The following UBR4 variants were observed in gnomAD, a reference collection of about 807,000 sequenced individuals.
UBR4 encodes the protein E3 ubiquitin-protein ligase UBR4.
UBR4 carries 124 observed loss-of-function variants against 575.6 expected under a neutral mutation model. The ratio of observed to expected loss-of-function variants is 0.22; its 90% CI spans 0.19 to 0.25. The LOEUF (loss-of-function observed/expected upper bound fraction) is 0.25, where lower values mean the gene tolerates loss of function less well. UBR4 is among the 10% of genes least tolerant of loss of function. The probability of loss-of-function intolerance (pLI) is 1.00; values close to 1 mark genes in which losing one functional copy is unlikely to be tolerated. For missense variants in UBR4, 4,818 were observed against 6,478.8 expected (o/e 0.74, Z 8.80); for synonymous variants, 2,455 against 2,473.7 (o/e 0.99, Z 0.22).
intron 2 of UBR4, among the ~76,000 whole-genome samples, chr1:19,200,641 G>T (rs933421600): frequency 2.0e-5 from 3 of 151,852 alleles, no homozygotes; most frequent in Non-Finnish European, 2.9e-5. Flanking sequence ...TAAATAAATG[G>T]ATAAAAATTT....
chr1:19,155,843 C>T (rs1471207947), intron 42 of UBR4, among the ~76,000 whole-genome samples, 175 bp from the exon 43 acceptor site: 1 of 152,184 alleles, frequency 6.6e-6, no homozygotes, highest in Non-Finnish European at 1.5e-5. Context: ...ACCTTTCACT[C>T]TCCTTCAAGG....
intron 25 of UBR4, 36 bp downstream of exon 25, chr1:19,172,828 G>C (rs766558655): frequency 1.5e-5 from 24 of 1,588,794 alleles, no homozygotes; most frequent in Non-Finnish European, 2.0e-5. Context: ...GGAGTGAAGA[G>C]TGCATGTGCA....
chr1:19,173,503 T>C lies in UBR4; in HGVS notation c.3101A>G (p.Asp1034Gly), dbSNP rs2089869796. 1 of 1,614,174 alleles carries C rather than the reference T, an allele frequency of 6.2e-7. No homozygotes were observed. The highest frequency in any genetic ancestry group is 8.5e-7 in the Non-Finnish European group (1 of 1,180,040). ...SMNSPEMSEC[D>G]ILHTLRWSSR... is the part of the protein sequence containing the mutation. ...AGACCATCGCAGAGTGTGCAAGATG[T>C]CACATTCGCTCATCTCAGGTGAGTT... The change falls in exon 23 of 106, where the codon GAC becomes GGC. Residue 1034 changes from aspartate to glycine, a missense_variant. Around this residue, in one of 29 missense-constraint regions of UBR4, gnomAD observed 1,172 missense variants for 1,259.7 expected, o/e 0.93. Coordinates refer to ENST00000375254, the MANE Select transcript of UBR4 (RefSeq NM_020765.3).
Position 19,088,543 on chromosome 1 carries a change from C to T in UBR4, c.14430+216G>A, listed in dbSNP as rs566492769. Among the ~76,000 whole-genome samples the T allele has an allele frequency of 6.6e-6, 1 of 152,350 alleles. No individual in the cohort carries two copies. The highest frequency in any genetic ancestry group is 2.1e-4 in the South Asian group (1 of 4,832). Reference sequence around the variant, plus strand: ...CTTAATGGCTATTATCACTGGTTTACTGTTTTGGTAAACTTCGTAAGTCAC... The same window carrying T: ...CTTAATGGCTATTATCACTGGTTTATTGTTTTGGTAAACTTCGTAAGTCAC... On this transcript the variant is annotated intron_variant, in intron 98 of 105. Coordinates refer to ENST00000375254, the MANE Select transcript of UBR4 (RefSeq NM_020765.3). The surrounding 1 kb of genome is among the most constrained non-coding windows in gnomAD (Gnocchi z 4.0).
In UBR4 at chr1:19,165,694, G is replaced by C. The variant is rs769398969; in HGVS notation, c.4173C>G (p.Ser1391Arg). The change falls in exon 30 of 106, where the codon AGC becomes AGG. Residue 1391 changes from serine to arginine, a missense_variant. Physicochemically the swap from Ser to Arg is moderately radical, Grantham distance 110. Transcript: ENST00000375254. ...ACTCCTCCATAGCTTTACGAGCCTGGCTACTTTCCAGCTGCTTTTCCAAGT... is the reference window on the plus strand; with the variant it reads ...ACTCCTCCATAGCTTTACGAGCCTGCCTACTTTCCAGCTGCTTTTCCAAGT... ...LQYLEKQLES[S>R]QARKAMEEFF... 3.7e-6 allele frequency: 6 copies of C among 1,614,026 alleles called. No homozygotes were observed. The African/African-American group carries it at 8.0e-5, about 22-fold the overall frequency.
intron 10 of UBR4, 40 bp from the exon 11 acceptor site, chr1:19,192,418 G>A (rs2092154815): frequency 6.2e-7 from 1 of 1,614,094 alleles, no homozygotes. Flanking sequence ...TAATCATAGA[G>A]ATATTTACAT....
At chr1:19,138,850 TA>T (rs2149912949) in intron 59 of UBR4, among the ~76,000 whole-genome samples, 1 of 152,310 alleles carries the variant, frequency 6.6e-6, no homozygotes, top group East Asian at 1.9e-4. Context: ...AGATAATTAG[TA>T]AATATCTGTA....
At chr1:19,119,079 A>G (rs753998816) in intron 70 of UBR4, 122 bp from the exon 71 acceptor site, 50 of 813,028 alleles carry the variant, frequency 6.1e-5, no homozygotes, top group Admixed American at 9.8e-5. Context: ...CTCAGTCAGA[A>G]TCATACAAAG....
In UBR4 at chr1:19,153,587, G is replaced by T; in HGVS notation, c.6631-85C>A. 1 of 1,548,564 alleles carries T rather than the reference G, an allele frequency of 6.5e-7. No homozygotes were observed. The highest frequency in any genetic ancestry group is 1.1e-5 in the South Asian group (1 of 87,348). On this transcript the variant is annotated intron_variant, in intron 45 of 105. Transcript: ENST00000375254. This position sits in a 1 kb window ranked among gnomAD's most constrained non-coding sequence, Gnocchi z 4.1. ...AGAAAAAGAGGCAGAGATGCAACTGGTTTCATGGTCAGTTGAGGGGCTGTA... is the reference window on the plus strand; with the variant it reads ...AGAAAAAGAGGCAGAGATGCAACTGTTTTCATGGTCAGTTGAGGGGCTGTA...
At chr1:19,151,016 G>C (rs2085612817) in intron 48 of UBR4, 3 of 581,670 alleles carry the variant, frequency 5.2e-6, no homozygotes, top group African/African-American at 1.9e-5. Flanking sequence ...CTCCTACTCA[G>C]AAGAGTCCCT....
intron 103 of UBR4, chr1:19,080,819 C>T (rs542461097): frequency 6.5e-6 from 1 of 153,340 alleles, no homozygotes; most frequent in African/African-American, 2.4e-5. Flanking sequence ...AAATCAAAGA[C>T]CACTTCCTTT....
Position 19,193,553 on chromosome 1 carries a change from C to T in UBR4, c.1023G>A (p.Val341=). 1 of 1,612,848 alleles carries T rather than the reference C, an allele frequency of 6.2e-7. No individual in the cohort carries two copies. The highest frequency in any genetic ancestry group is 8.5e-7 in the Non-Finnish European group (1 of 1,179,368). The change falls in exon 9 of 106, where the codon GTG becomes GTA. Residue 341 remains valine, a synonymous_variant. Transcript: ENST00000375254. ...VLSLSCLYAG[V]SVATCMAILH... ...GGATGGCCATGCACGTTGCCACACT[C>T]ACACCTGAAAAAGAAGATGCACAGG...
chr1:19,148,371 T>C (rs1258409022), intron 50 of UBR4, among the ~76,000 whole-genome samples, 192 bp downstream of exon 50: 2 of 152,190 alleles, frequency 1.3e-5, no homozygotes, highest in African/African-American at 4.8e-5. Context: ...TCCTATTCTG[T>C]GACACACGCT....
At chr1:19,103,708 T>C (rs2078896738) in intron 87 of UBR4, among the ~76,000 whole-genome samples, 1 of 152,034 alleles carries the variant, frequency 6.6e-6, no homozygotes, top group African/African-American at 2.4e-5. Flanking sequence ...GAGATGAACA[T>C]TATGAGAGAT....
intron 14 of UBR4, 36 bp downstream of exon 14, chr1:19,186,504 G>A (rs753924815): frequency 6.3e-7 from 1 of 1,584,692 alleles, no homozygotes; most frequent in Non-Finnish European, 8.7e-7. Context: ...GCACTCTATA[G>A]CTTATCTCTG....
At chr1:19,130,433 T>C (rs1368518232) in intron 60 of UBR4, among the ~76,000 whole-genome samples, 1 of 152,134 alleles carries the variant, frequency 6.6e-6, no homozygotes, top group Non-Finnish European at 1.5e-5. Flanking sequence ...GGAAGATCAC[T>C]TGATCCCAGG....
At position 19,117,167 on chromosome 1, in the gene UBR4, C is replaced by A. The variant is rs1457129078; in HGVS notation, c.10823+54G>T. ...CCATTCCAGGAACCGAAGGCAGCAACTGAGCTTCAGCCTTACAACCTGCTG... is the reference window on the plus strand; with the variant it reads ...CCATTCCAGGAACCGAAGGCAGCAAATGAGCTTCAGCCTTACAACCTGCTG... On this transcript the variant is annotated intron_variant, in intron 73 of 105. Coordinates refer to ENST00000375254, the MANE Select transcript of UBR4 (RefSeq NM_020765.3). The surrounding 1 kb of genome is among the most constrained non-coding windows in gnomAD (Gnocchi z 4.0). 7 of 1,586,612 alleles carry A rather than the reference C, an allele frequency of 4.4e-6. No individual in the cohort carries two copies. In the African/African-American group the frequency reaches 8.1e-5, roughly 18 times the overall value.
chr1:19,155,702 T>C, intron 42 of UBR4, 34 bp from the exon 43 acceptor site: 1 of 1,566,614 alleles, frequency 6.4e-7, no homozygotes, highest in Non-Finnish European at 8.8e-7. Context: ...ATAAGGGAAA[T>C]CTATCTCAGT....
intron 103 of UBR4, 100 bp from the exon 104 acceptor site, chr1:19,078,166 G>T: frequency 8.1e-7 from 1 of 1,233,654 alleles, no homozygotes; most frequent in Non-Finnish European, 1.2e-6. Flanking sequence ...TCACAGTGGT[G>T]TATGCATCTC....
Sources: gnomAD v4.1 joint callset for allele counts (sites outside exome capture counted in the v4.1 genomes callset) on GRCh38, gnomAD v4.1.1 for gene constraint, gnomAD v4.1.1 regional missense constraint, Gnocchi (gnomAD v3.1) non-coding constraint, MANE v1.5 for transcripts, NCBI Gene and HGNC (gene_info 2026-07-23, HGNC 2026-07-21) for gene names.